ARHGAP10: variants seen among roughly 807,000 people sequenced by gnomAD.
ARHGAP10 encodes the protein Rho GTPase activating protein 10, also known as rho GTPase-activating protein 10.
A neutral mutation model predicts 108.6 loss-of-function variants in ARHGAP10; 87 were observed. The ratio of observed to expected loss-of-function variants is 0.80; its 90% CI spans 0.67 to 0.96. ARHGAP10 has a LOEUF of 0.96. Ranked by LOEUF, ARHGAP10 falls within the 40% of genes least tolerant of loss-of-function variation. The pLI, the probability that ARHGAP10 is intolerant of heterozygous loss-of-function variation, is 0.00. For missense variants in ARHGAP10, 939 were observed against 954.5 expected (o/e 0.98, Z 0.21); for synonymous variants, 347 against 341.1 (o/e 1.02, Z -0.19).
intron 7 of ARHGAP10, among the ~76,000 whole-genome samples, chr4:147,873,538 GA>G (rs1164681748): frequency 6.6e-6 from 1 of 151,762 alleles, no homozygotes; most frequent in Non-Finnish European, 1.5e-5. Context: ...CAAAGATGGG[GA>G]TAAGGGTGGG....
At chr4:147,756,469 A>G (rs1248808596) in intron 1 of ARHGAP10, among the ~76,000 whole-genome samples, 1 of 152,252 alleles carries the variant, frequency 6.6e-6, no homozygotes, top group Non-Finnish European at 1.5e-5. Context: ...AGTATGAACT[A>G]TACCATAGTC....
intron 18 of ARHGAP10, among the ~76,000 whole-genome samples, chr4:148,007,534 C>T (rs563786366): frequency 1.6e-4 from 24 of 152,282 alleles, no homozygotes; most frequent in African/African-American, 4.8e-4. Flanking sequence ...TCTCCTTCAG[C>T]GATTCATGAG....
In ARHGAP10 at chr4:147,857,598, C is replaced by A; in HGVS notation, c.430C>A (p.Leu144Ile). ...CAAAGAGACAGAAAAGAATTATAGT[C>A]TAATTGATAAACATTTGAATTTATC... The part of the protein sequence containing the change: ...FDKETEKNYS[L>I]IDKHLNLSAK... Residue 144 changes from leucine to isoleucine, a missense_variant, in exon 5 of 23, where the codon CTA becomes ATA. Physicochemically the swap from Leu to Ile is conservative, Grantham distance 5. Transcript: ENST00000336498. 1 of 1,480,612 alleles carries A rather than the reference C, an allele frequency of 6.8e-7. No homozygotes were observed. The highest frequency in any genetic ancestry group is 2.7e-5 in the Admixed American group (1 of 37,706). The allele number at this position is 1,480,612 out of a possible 1,614,324, so 91.7% of individuals were successfully genotyped here. A position where few individuals can be genotyped will look rare whatever the true frequency, so the allele number is the denominator to read the frequency against.
At chr4:148,014,838 A>G (rs1188366628) in intron 18 of ARHGAP10, among the ~76,000 whole-genome samples, 1 of 152,254 alleles carries the variant, frequency 6.6e-6, no homozygotes, top group Non-Finnish European at 1.5e-5. Flanking sequence ...AAAGGAGTCT[A>G]AAAATGTTTC....
At chr4:147,764,683 C>T (rs1044611412) in intron 1 of ARHGAP10, among the ~76,000 whole-genome samples, 10 of 151,944 alleles carry the variant, frequency 6.6e-5, no homozygotes, top group East Asian at 1.9e-4. Context: ...TATAGGCGTG[C>T]ACCACCATGC....
At chr4:148,047,398 T>C (rs1356942828) in intron 20 of ARHGAP10, among the ~76,000 whole-genome samples, 1 of 152,260 alleles carries the variant, frequency 6.6e-6, no homozygotes, top group Non-Finnish European at 1.5e-5. Flanking sequence ...TGCATGCTGA[T>C]GGACAGACTC....
intron 16 of ARHGAP10, among the ~76,000 whole-genome samples, chr4:147,960,963 A>G (rs961047373): frequency 9.2e-5 from 14 of 152,180 alleles, no homozygotes; most frequent in Non-Finnish European, 1.9e-4. Flanking sequence ...GTTAATGGAC[A>G]TTTGGGTTGT....
chr4:147,876,633 G>A (rs1735074500), intron 8 of ARHGAP10, among the ~76,000 whole-genome samples: 1 of 152,178 alleles, frequency 6.6e-6, no homozygotes, highest in African/African-American at 2.4e-5. Context: ...AAACCACCTC[G>A]ATAGTCTTGA....
intron 1 of ARHGAP10, among the ~76,000 whole-genome samples, chr4:147,818,785 A>G (rs1732368031): frequency 6.6e-6 from 1 of 152,204 alleles, no homozygotes; most frequent in Admixed American, 6.5e-5. Context: ...AGACATCTAT[A>G]AAATATGAAC....
chr4:148,009,065 A>C (rs1243161487), intron 18 of ARHGAP10, among the ~76,000 whole-genome samples: 1 of 152,104 alleles, frequency 6.6e-6, no homozygotes, highest in African/African-American at 2.4e-5. Context: ...CAGATAATCC[A>C]CATGATCAGA....
intron 22 of ARHGAP10, among the ~76,000 whole-genome samples, chr4:148,070,900 C>G (rs939492257): frequency 6.6e-6 from 1 of 152,194 alleles, no homozygotes; most frequent in African/African-American, 2.4e-5. Flanking sequence ...TTCTGTATTG[C>G]ATTTCCGAAC....
At chr4:147,998,644 G>T (rs1740573178) in intron 18 of ARHGAP10, among the ~76,000 whole-genome samples, 1 of 152,236 alleles carries the variant, frequency 6.6e-6, no homozygotes, top group South Asian at 2.1e-4. Flanking sequence ...ATCCCTGAAA[G>T]GGGATGATAT....
intron 18 of ARHGAP10, among the ~76,000 whole-genome samples, chr4:147,982,400 C>T (rs1198450095): frequency 9.1e-5 from 13 of 143,396 alleles, no homozygotes; most frequent in Non-Finnish European, 1.5e-4. Flanking sequence ...GACAGGGTCT[C>T]ACTCTGTTGC....
intron 1 of ARHGAP10, among the ~76,000 whole-genome samples, chr4:147,736,717 T>C (rs2126674355): frequency 6.6e-6 from 1 of 152,336 alleles, no homozygotes; most frequent in African/African-American, 2.4e-5. Flanking sequence ...TTCTCAATCG[T>C]AGCTGCTCAA....
intron 9 of ARHGAP10, among the ~76,000 whole-genome samples, chr4:147,880,285 A>G (rs892091043): frequency 2.6e-5 from 4 of 152,244 alleles, no homozygotes; most frequent in African/African-American, 9.6e-5. Flanking sequence ...ATAAAAAAAG[A>G]AAAACCTATG....
intron 10 of ARHGAP10, among the ~76,000 whole-genome samples, chr4:147,894,634 A>G (rs1035706000): frequency 6.6e-6 from 1 of 152,034 alleles, no homozygotes; most frequent in Non-Finnish European, 1.5e-5. Flanking sequence ...TTTTGAAGAA[A>G]TTTTCTGATG....
At chr4:147,755,142 T>A (rs1405031948) in intron 1 of ARHGAP10, among the ~76,000 whole-genome samples, 1 of 151,844 alleles carries the variant, frequency 6.6e-6, no homozygotes, top group Non-Finnish European at 1.5e-5. Flanking sequence ...ACAATAAGGA[T>A]ATAATAAAAG....
At chr4:147,970,680 C>G (rs1358068757) in intron 18 of ARHGAP10, among the ~76,000 whole-genome samples, 3 of 152,152 alleles carry the variant, frequency 2.0e-5, no homozygotes, top group Non-Finnish European at 2.9e-5. Context: ...GAAAAAGGCT[C>G]CTAGTTAATC....
At chr4:147,844,111 G>T (rs549887534) in intron 3 of ARHGAP10, among the ~76,000 whole-genome samples, 3 of 152,276 alleles carry the variant, frequency 2.0e-5, no homozygotes, top group African/African-American at 7.2e-5. Context: ...AGCCCTTAGT[G>T]TGTGCTCCCA....
Sources: allele counts gnomAD v4.1 joint callset (sites outside exome capture counted in the v4.1 genomes callset), GRCh38; gene constraint gnomAD v4.1.1; transcripts MANE v1.5; gene names NCBI Gene and HGNC (gene_info 2026-07-23, HGNC 2026-07-21).